The following DNAAF11 variants were observed in gnomAD, a reference collection of about 807,000 sequenced individuals.
DNAAF11 encodes leucine rich repeat containing 6.
Under a neutral mutation model 60.8 loss-of-function variants are expected in DNAAF11, and 45 were observed. The observed-to-expected ratio is 0.74, with a 90% CI of 0.58 to 0.95. The LOEUF (loss-of-function observed/expected upper bound fraction) is 0.95. Among genes scored for constraint, DNAAF11 ranks in the 40% least tolerant of loss-of-function variants. The pLI, the probability that DNAAF11 is intolerant of heterozygous loss-of-function variation, is 0.00. For synonymous variants in DNAAF11, 191 were observed against 183.5 expected (o/e 1.04, Z -0.33); for missense variants, 546 against 546.2 (o/e 1.00, Z 0.00).
At chr8:132,586,501 G>A (rs1051388443) in intron 10 of DNAAF11, among the ~76,000 whole-genome samples, 11 of 152,096 alleles carry the variant, frequency 7.2e-5, no homozygotes, top group Admixed American at 3.3e-4. Flanking sequence ...ATGGGATGCC[G>A]GGATTCTTCT....
chr8:132,671,402 A>G (rs1376804384), intron 1 of DNAAF11, among the ~76,000 whole-genome samples: 1 of 152,214 alleles, frequency 6.6e-6, no homozygotes, highest in Admixed American at 6.5e-5. Flanking sequence ...AAATGGAGAT[A>G]TATCCCTTGT....
intron 11 of DNAAF11, among the ~76,000 whole-genome samples, chr8:132,579,695 G>A (rs1003698828): frequency 1.3e-5 from 2 of 152,070 alleles, no homozygotes; most frequent in Non-Finnish European, 2.9e-5. Flanking sequence ...GTAGCTCACA[G>A]TAAAAAATAG....
intron 10 of DNAAF11, among the ~76,000 whole-genome samples, chr8:132,600,579 T>G (rs1195986810): frequency 1.3e-5 from 2 of 152,084 alleles, no homozygotes; most frequent in African/African-American, 2.4e-5. Flanking sequence ...AACAGAGATA[T>G]AGACCAATGG....
At chr8:132,607,579 A>T (rs1269435338) in intron 10 of DNAAF11, among the ~76,000 whole-genome samples, 1 of 152,230 alleles carries the variant, frequency 6.6e-6, no homozygotes, top group Non-Finnish European at 1.5e-5. Context: ...TAGGAGTAAG[A>T]AAAGAGTAAA....
intron 1 of DNAAF11, among the ~76,000 whole-genome samples, chr8:132,671,575 T>C (rs1825193672): frequency 6.6e-6 from 1 of 152,108 alleles, no homozygotes; most frequent in South Asian, 2.1e-4. Context: ...GAATACAACT[T>C]TAAAAGATTA....
At chr8:132,591,184 C>T (rs1247091367) in intron 10 of DNAAF11, among the ~76,000 whole-genome samples, 2 of 152,092 alleles carry the variant, frequency 1.3e-5, no homozygotes, top group African/African-American at 4.8e-5. Flanking sequence ...TAAATCATTT[C>T]CTATTTTCTC....
At chr8:132,652,414 ATGAAG>A (rs533240205) in intron 3 of DNAAF11, among the ~76,000 whole-genome samples, 1,709 of 152,338 alleles carry the variant, frequency 0.011, 19 homozygotes, top group Non-Finnish European at 0.019. Context: ...GAAACCTCAG[ATGAAG>A]AAGATAATTC....
At chr8:132,572,622 C>T in intron 11 of DNAAF11, 142 bp from the exon 12 acceptor site, 1 of 541,870 alleles carries the variant, frequency 1.8e-6, no homozygotes, top group Non-Finnish European at 3.2e-6. Flanking sequence ...GAGAATGTCC[C>T]TAGCATCAAG....
At chr8:132,635,665 T>C (rs1296806423) in intron 4 of DNAAF11, among the ~76,000 whole-genome samples, 2 of 152,094 alleles carry the variant, frequency 1.3e-5, no homozygotes, top group Non-Finnish European at 2.9e-5. Context: ...GCTCAAATCA[T>C]GGACTTTTGG....
At chr8:132,662,053 A>G (rs1824193569) in intron 1 of DNAAF11, among the ~76,000 whole-genome samples, 1 of 152,238 alleles carries the variant, frequency 6.6e-6, no homozygotes, top group South Asian at 2.1e-4. Flanking sequence ...GAAATATGAA[A>G]GCATCTTCTA....
the DNAAF11 span, among the ~76,000 whole-genome samples, chr8:132,686,924 A>ATAAG: frequency 6.6e-6 from 1 of 152,158 alleles, no homozygotes; most frequent in African/African-American, 2.4e-5. Flanking sequence ...AGCATTGATC[A>ATAAG]CATTTGGCTT....
the DNAAF11 span, among the ~76,000 whole-genome samples, chr8:132,693,668 G>T: frequency 6.6e-6 from 1 of 152,024 alleles, no homozygotes; most frequent in African/African-American, 2.4e-5. Flanking sequence ...GTGGGGGAAA[G>T]CAAGCAGAGG....
At chr8:132,675,116 T>G (rs1429934015) in intron 1 of DNAAF11, among the ~76,000 whole-genome samples, 1 of 152,114 alleles carries the variant, frequency 6.6e-6, no homozygotes, top group Non-Finnish European at 1.5e-5. Context: ...AGACAGTGAC[T>G]GGCCCACGTT....
chr8:132,643,294 A>G (rs1822040442), intron 3 of DNAAF11: 1 of 184,772 alleles, frequency 5.4e-6, no homozygotes, highest in South Asian at 1.2e-4. Context: ...TTCTCATGCT[A>G]CAATTCTGTG....
chr8:132,697,906 A>G, the DNAAF11 span, among the ~76,000 whole-genome samples: 6 of 152,342 alleles, frequency 3.9e-5, no homozygotes, highest in African/African-American at 1.4e-4. Context: ...GGAGGACCTC[A>G]ATCTTACTTC....
chr8:132,640,467 T>G (rs945703825), intron 3 of DNAAF11, among the ~76,000 whole-genome samples: 19 of 152,170 alleles, frequency 1.2e-4, no homozygotes, highest in African/African-American at 4.6e-4. Flanking sequence ...ATGTTCAAAA[T>G]GGAATTCTCC....
chr8:132,698,955 T>TACAC, the DNAAF11 span, among the ~76,000 whole-genome samples: 5 of 59,412 alleles, frequency 8.4e-5, no homozygotes, highest in South Asian at 4.0e-4. Context: ...TATATATATA[T>TACAC]ACACACACAC....
intron 1 of DNAAF11, among the ~76,000 whole-genome samples, chr8:132,671,581 G>T (rs1209189175): frequency 1.1e-4 from 17 of 152,012 alleles, no homozygotes; most frequent in Admixed American, 1.1e-3. Flanking sequence ...AACTTTAAAA[G>T]ATTAAAAAAT....
intron 4 of DNAAF11, 33 bp downstream of exon 4, chr8:132,637,902 T>A (rs1186401517): frequency 6.4e-7 from 1 of 1,560,056 alleles, no homozygotes; most frequent in African/African-American, 1.4e-5. Flanking sequence ...TGCTCATTTA[T>A]CTGTGATTTC....
Sources: allele counts gnomAD v4.1 joint callset (sites outside exome capture counted in the v4.1 genomes callset), GRCh38; gene constraint gnomAD v4.1.1; transcripts MANE v1.5; gene names NCBI Gene and HGNC (gene_info 2026-07-23, HGNC 2026-07-21).